Variants in RNF214 observed in about 807,000 individuals in gnomAD.
The protein encoded by RNF214 is ring finger protein 214.
In RNF214, 25 loss-of-function variants were observed where a neutral mutation model predicts 75.9. The ratio of observed to expected loss-of-function variants is 0.33; its 90% CI spans 0.24 to 0.46. The LOEUF is 0.46. Among genes scored for constraint, RNF214 ranks in the 20% least tolerant of loss-of-function variants. The probability of loss-of-function intolerance (pLI) is 1.00; values close to 1 mark genes in which losing one functional copy is unlikely to be tolerated. For missense variants in RNF214, 725 were observed against 857.5 expected (o/e 0.85, Z 1.93); for synonymous variants, 314 against 308.8 (o/e 1.02, Z -0.18).
chr11:117,241,484 G>A (rs973652376), intron 4 of RNF214, among the ~76,000 whole-genome samples: 1 of 151,786 alleles, frequency 6.6e-6, no homozygotes, highest in African/African-American at 2.4e-5. Context: ...GGAGGGTGAG[G>A]CAGGAGAATT....
chr11:117,284,257 C>T (rs962250610), intron 14 of RNF214, among the ~76,000 whole-genome samples: 8 of 152,114 alleles, frequency 5.3e-5, no homozygotes, highest in Non-Finnish European at 7.4e-5. Flanking sequence ...GAGGGCTTGC[C>T]GGTTAGAGAT....
intron 5 of RNF214, among the ~76,000 whole-genome samples, chr11:117,245,343 CTT>C (rs550778591): frequency 6.4e-5 from 9 of 139,650 alleles, no homozygotes; most frequent in Admixed American, 7.1e-5. Context: ...TACTCATAGA[CTT>C]TTTTTTTTTT....
At chr11:117,253,332 A>G (rs2033445639) in intron 6 of RNF214, among the ~76,000 whole-genome samples, 3 of 152,338 alleles carry the variant, frequency 2.0e-5, no homozygotes, top group Middle Eastern at 6.8e-3. Flanking sequence ...GAATTTACCA[A>G]AGTGTAAAAG....
intron 7 of RNF214, 73 bp from the exon 8 acceptor site, chr11:117,280,098 T>G: frequency 1.3e-6 from 2 of 1,494,620 alleles, no homozygotes; most frequent in Non-Finnish European, 1.9e-6. Context: ...AGTAAGCATT[T>G]GTTTTCACTA....
chr11:117,234,085 A>G (rs2032828513), intron 1 of RNF214, among the ~76,000 whole-genome samples, 182 bp from the exon 2 acceptor site: 1 of 152,194 alleles, frequency 6.6e-6, no homozygotes, highest in East Asian at 1.9e-4. Flanking sequence ...GCTGCCCACT[A>G]GGACACTAGG....
intron 6 of RNF214, among the ~76,000 whole-genome samples, chr11:117,276,983 A>G (rs1011641137): frequency 1.3e-5 from 2 of 152,206 alleles, no homozygotes; most frequent in African/African-American, 4.8e-5. Context: ...TATATTTTGT[A>G]TATTTTGGAA....
intron 6 of RNF214, among the ~76,000 whole-genome samples, chr11:117,248,831 A>T (rs1386973385): frequency 1.3e-5 from 2 of 152,234 alleles, no homozygotes; most frequent in Non-Finnish European, 2.9e-5. Context: ...GCATGTAGCA[A>T]CTTAACAGGA....
chr11:117,255,332 G>T (rs1170776377), intron 6 of RNF214, among the ~76,000 whole-genome samples: 1 of 152,056 alleles, frequency 6.6e-6, no homozygotes, highest in Non-Finnish European at 1.5e-5. Flanking sequence ...TTTTGCTTCT[G>T]CTATTTCTCC....
At chr11:117,238,569 A>G in intron 2 of RNF214, 32 bp from the exon 3 acceptor site, 1 of 1,566,472 alleles carries the variant, frequency 6.4e-7, no homozygotes, top group Non-Finnish European at 8.6e-7. Flanking sequence ...AAAGTATTAT[A>G]TACTTTTCTT....
At chr11:117,240,118 C>T (rs1048723411) in intron 4 of RNF214, among the ~76,000 whole-genome samples, 1 of 151,700 alleles carries the variant, frequency 6.6e-6, no homozygotes, top group South Asian at 2.1e-4. Flanking sequence ...TTTGGGAAGC[C>T]GAAGTGGGTG....
At chr11:117,270,565 C>A (rs1215809372) in intron 6 of RNF214, among the ~76,000 whole-genome samples, 1 of 151,332 alleles carries the variant, frequency 6.6e-6, no homozygotes, top group Non-Finnish European at 1.5e-5. Context: ...CCCACTCCCC[C>A]ACCCCCCCGG....
Position 117,281,880 on chromosome 11 carries a change from C to T in RNF214, c.1336-14C>T. The T allele has an allele frequency of 6.2e-7, 1 of 1,610,908 alleles. No individual in the cohort carries two copies. The highest frequency in any genetic ancestry group is 2.2e-5 in the East Asian group (1 of 44,818). ...TTCCTTTCTCTCTCGTCCTCTACCT[C>T]TTCTCCTCTGCAGACAGACTTCATG... On this transcript the variant is annotated splice_polypyrimidine_tract_variant and intron_variant, in intron 10 of 14. Coordinates refer to ENST00000300650, the MANE Select transcript of RNF214 (RefSeq NM_207343.4).
intron 13 of RNF214, 79 bp from the exon 14 acceptor site, chr11:117,283,036 C>G: frequency 1.8e-6 from 2 of 1,086,872 alleles, no homozygotes; most frequent in Non-Finnish European, 2.8e-6. Context: ...AATCTTTTTG[C>G]TGCATGGAAT....
At chr11:117,261,831 A>G (rs1446679389) in intron 6 of RNF214, among the ~76,000 whole-genome samples, 1 of 151,568 alleles carries the variant, frequency 6.6e-6, no homozygotes. Context: ...TTTTTAGTAG[A>G]GACGAGGTTT....
chr11:117,283,635 A>G (rs916538744), intron 14 of RNF214, among the ~76,000 whole-genome samples: 1 of 152,064 alleles, frequency 6.6e-6, no homozygotes, highest in African/African-American at 2.4e-5. Flanking sequence ...TTGGGAGTAC[A>G]GGCGTGAGCC....
intron 6 of RNF214, among the ~76,000 whole-genome samples, chr11:117,267,162 T>G (rs1232233927): frequency 6.6e-6 from 1 of 152,160 alleles, no homozygotes; most frequent in Non-Finnish European, 1.5e-5. Context: ...CAGATATGTA[T>G]TTCACCAGTA....
At chr11:117,272,580 A>G (rs2033935489) in intron 6 of RNF214, among the ~76,000 whole-genome samples, 1 of 151,956 alleles carries the variant, frequency 6.6e-6, no homozygotes, top group Non-Finnish European at 1.5e-5. Flanking sequence ...ATTCTGCACT[A>G]GTATTCCGGA....
chr11:117,246,721 T>C, intron 5 of RNF214, 88 bp from the exon 6 acceptor site: 3 of 1,307,948 alleles, frequency 2.3e-6, no homozygotes, highest in Non-Finnish European at 3.1e-6. Flanking sequence ...ATACGTGAAT[T>C]TGTGATAGTT....
chr11:117,246,042 C>T (rs75126309), intron 5 of RNF214, among the ~76,000 whole-genome samples: 2,945 of 152,048 alleles, frequency 0.019, 104 homozygotes, highest in African/African-American at 0.066. Context: ...CAAGGCTCAC[C>T]GTATCTTTGA....
Sources: allele counts gnomAD v4.1 joint callset (sites outside exome capture counted in the v4.1 genomes callset), GRCh38; gene constraint gnomAD v4.1.1; transcripts MANE v1.5; gene names NCBI Gene and HGNC (gene_info 2026-07-23, HGNC 2026-07-21).